The following PPP4R2 variants were observed in gnomAD, a reference collection of about 807,000 sequenced individuals.
PPP4R2 encodes the protein serine/threonine-protein phosphatase 4 regulatory subunit 2.
PPP4R2 carries 13 observed loss-of-function variants against 47.2 expected under a neutral mutation model. The observed-to-expected ratio is 0.28, with a 90% CI of 0.18 to 0.44. The LOEUF (loss-of-function observed/expected upper bound fraction) is 0.44. Among genes scored for constraint, PPP4R2 ranks in the 20% least tolerant of loss-of-function variants. The pLI is 1.00. For synonymous variants in PPP4R2, 151 were observed against 163.3 expected (o/e 0.92, Z 0.57); for missense variants, 421 against 491.2 (o/e 0.86, Z 1.35).
chr3:73,000,296 C>G (rs762777119), intron 2 of PPP4R2, among the ~76,000 whole-genome samples: 1 of 152,032 alleles, frequency 6.6e-6, no homozygotes, highest in Non-Finnish European at 1.5e-5. Context: ...ATGGTTGGTG[C>G]CACTGTACTG....
chr3:73,066,715 A>G lies in PPP4R2; in HGVS notation c.*993A>G, dbSNP rs551546713. 6.6e-6 allele frequency: 1 copy of G among 152,200 alleles called. No individual in the cohort carries two copies. The highest frequency in any genetic ancestry group is 2.4e-5 in the African/African-American group (1 of 41,550). 9.4% of individuals were successfully genotyped at this position (152,200 alleles called of 1,614,324 possible). On this transcript the variant is annotated 3_prime_UTR_variant, in exon 9 of 9. Coordinates refer to ENST00000356692, the MANE Select transcript of PPP4R2 (RefSeq NM_174907.4). ...TTTCTAAATTATTCTAGGGTATGCA[A>G]ATGTCAATGGTATGAAACACCACTG...
At chr3:73,034,957 A>G (rs966914792) in intron 2 of PPP4R2, among the ~76,000 whole-genome samples, 3 of 152,238 alleles carry the variant, frequency 2.0e-5, no homozygotes, top group Non-Finnish European at 4.4e-5. Flanking sequence ...GATTACATCA[A>G]GCTAAAAAGC....
intron 5 of PPP4R2, chr3:73,061,872 T>C: frequency 2.0e-6 from 1 of 488,922 alleles, no homozygotes; most frequent in East Asian, 4.1e-5. Flanking sequence ...CCAGTCAATT[T>C]GTTTTTAGAA....
rs577248061 is a variant in PPP4R2, at chr3:72,999,109, C to G, written c.116+951C>G. Among the ~76,000 whole-genome samples, 76 of 152,234 alleles carry G rather than the reference C, an allele frequency of 5.0e-4. 2 individuals carry two copies. Among genetic ancestry groups the G allele is most frequent in the Admixed American group, 3.7e-3 (56 of 15,292 alleles). On this transcript the variant is annotated intron_variant, in intron 2 of 8. Transcript: ENST00000356692. ...TTAGAAAGAAAAAAACCTTTGCTGCCTCAGTGCTTGATTTAATGGTCATGC... is the reference window on the plus strand; with the variant it reads ...TTAGAAAGAAAAAAACCTTTGCTGCGTCAGTGCTTGATTTAATGGTCATGC...
At chr3:73,000,792 A>G (rs1298264539) in intron 2 of PPP4R2, among the ~76,000 whole-genome samples, 2 of 152,226 alleles carry the variant, frequency 1.3e-5, no homozygotes, top group Non-Finnish European at 2.9e-5. Context: ...AAGGTAATGT[A>G]GTTTCTGACA....
rs11915179 is a variant in PPP4R2 at position 73,051,110 on chromosome 3, T to C, written c.287+3754T>C. Among the ~76,000 whole-genome samples, 739 of 152,318 alleles carry C rather than the reference T, an allele frequency of 4.9e-3. 6 individuals carry two copies. The highest frequency in any genetic ancestry group is 0.017 in the African/African-American group (692 of 41,556). ...TTGTATTTTTAGTAGAGATGGGGTT[T>C]CTCCATGTTGGTCAAGCTGGTCTTG... On this transcript the variant is annotated intron_variant, in intron 3 of 8. Transcript: ENST00000356692.
chr3:72,998,004 G>A, intron 1 of PPP4R2, 73 bp from the exon 2 acceptor site: 1 of 992,844 alleles, frequency 1.0e-6, no homozygotes, highest in Non-Finnish European at 1.6e-6. Flanking sequence ...TAAGGTAAAG[G>A]ACTAGGAGGA....
At chr3:73,030,824 C>T (rs1039104250) in intron 2 of PPP4R2, among the ~76,000 whole-genome samples, 12 of 151,942 alleles carry the variant, frequency 7.9e-5, no homozygotes, top group Non-Finnish European at 1.3e-4. Flanking sequence ...GCCTCAGCCT[C>T]CTGAGTAGCT....
At position 73,065,131 on chromosome 3, in the gene PPP4R2, GGAA is replaced by G. The variant is rs1559572227; in HGVS notation, c.926_928del (p.Glu310del). 5 of 1,607,128 alleles carry G rather than the reference GGAA, an allele frequency of 3.1e-6. No individual in the cohort carries two copies. The highest frequency in any genetic ancestry group is 2.2e-5 in the East Asian group (1 of 44,764). On this transcript the variant is annotated inframe_deletion, in exon 8 of 9. Coordinates refer to ENST00000356692, the MANE Select transcript of PPP4R2 (RefSeq NM_174907.4). ...AAGAGGATGAAGAAGAGGATGAAGA[GGAA>G]GAAGAAGGTATTTAGAGACCATCTG... is the stretch of plus-strand genomic sequence containing the variant.
intron 2 of PPP4R2, among the ~76,000 whole-genome samples, chr3:73,041,069 A>G (rs553127186): frequency 3.7e-4 from 56 of 152,360 alleles, no homozygotes; most frequent in African/African-American, 1.3e-3. Flanking sequence ...TAATGTAATC[A>G]GAAAAAACAC....
rs142255042 is a variant in PPP4R2 at position 73,054,198 on chromosome 3, G to T, written c.288-4839G>T. ...CCCCCAAAATGCTGGGATTACAGGC[G>T]TGAGCCGCCGTGCTCAGCTAATTTC... On this transcript the variant is annotated intron_variant, in intron 3 of 8. Coordinates refer to ENST00000356692, the MANE Select transcript of PPP4R2 (RefSeq NM_174907.4). Among the ~76,000 whole-genome samples the T allele has an allele frequency of 2.4e-4, 37 of 152,174 alleles. 1 individual carries two copies. Among genetic ancestry groups the T allele is most frequent in the Admixed American group, 8.5e-4 (13 of 15,280 alleles).
At chr3:73,037,421 A>C (rs1173346995) in intron 2 of PPP4R2, among the ~76,000 whole-genome samples, 1 of 152,156 alleles carries the variant, frequency 6.6e-6, no homozygotes, top group Non-Finnish European at 1.5e-5. Context: ...TAACCAGTTA[A>C]GATGTTAACA....
chr3:73,041,859 A>G (rs1702386099), intron 2 of PPP4R2, among the ~76,000 whole-genome samples: 1 of 152,242 alleles, frequency 6.6e-6, no homozygotes, highest in South Asian at 2.1e-4. Flanking sequence ...TCTGGAAAAT[A>G]CCTTTAGCCT....
chr3:72,998,458 C>T (rs1701395727), intron 2 of PPP4R2, among the ~76,000 whole-genome samples: 1 of 151,962 alleles, frequency 6.6e-6, no homozygotes, highest in South Asian at 2.1e-4. Flanking sequence ...ATGCCTATTC[C>T]ATTATGACCC....
chr3:73,020,300 GT>G (rs2107250244), intron 2 of PPP4R2, among the ~76,000 whole-genome samples: 1 of 152,172 alleles, frequency 6.6e-6, no homozygotes, highest in African/African-American at 2.4e-5. Flanking sequence ...CAGTCCTCCT[GT>G]CCTCAGCCTC....
At chr3:73,020,326 C>A (rs1559552579) in intron 2 of PPP4R2, among the ~76,000 whole-genome samples, 1 of 152,206 alleles carries the variant, frequency 6.6e-6, no homozygotes, top group African/African-American at 2.4e-5. Context: ...GTAGCTGAGA[C>A]TACAAGCACA....
chr3:73,005,376 G>T (rs1701586571), intron 2 of PPP4R2, among the ~76,000 whole-genome samples: 2 of 150,624 alleles, frequency 1.3e-5, no homozygotes, highest in Admixed American at 1.3e-4. Context: ...CACACTGGTG[G>T]TGTAGTCTTT....
At chr3:73,062,661 G>A in intron 5 of PPP4R2, 5 of 1,613,942 alleles carry the variant, frequency 3.1e-6, no homozygotes, top group East Asian at 2.2e-5. Context: ...GATAGGCATT[G>A]CGGCTGGATC....
intron 2 of PPP4R2, among the ~76,000 whole-genome samples, chr3:73,041,952 C>T (rs1038897718): frequency 1.3e-5 from 2 of 151,990 alleles, no homozygotes; most frequent in Non-Finnish European, 2.9e-5. Context: ...AATCTAGCAC[C>T]AGGATATATT....
Sources: allele counts gnomAD v4.1 joint callset (sites outside exome capture counted in the v4.1 genomes callset), GRCh38; gene constraint gnomAD v4.1.1; transcripts MANE v1.5; gene names NCBI Gene and HGNC (gene_info 2026-07-23, HGNC 2026-07-21).